Variants in HYDIN observed in about 807,000 individuals in gnomAD.
HYDIN encodes the protein HYDIN axonemal central pair apparatus protein, also known as axonemal central pair apparatus protein HYDIN.
In HYDIN, 132 loss-of-function variants were observed where a neutral mutation model predicts 403.9. The ratio of observed to expected loss-of-function variants is 0.33; its 90% CI spans 0.28 to 0.38. The LOEUF is 0.38. Among genes scored for constraint, HYDIN ranks in the 10% least tolerant of loss-of-function variants. HYDIN has a pLI of 1.00. For missense variants in HYDIN, 2,827 were observed against 5,009.5 expected, an observed-to-expected ratio of 0.56 and a Z score of 13.15; for synonymous variants, 1,202 against 1,891.7, an observed-to-expected ratio of 0.64 and a Z score of 9.46.
At chr16:71,127,027 C>T (rs372753471) in intron 9 of HYDIN, among the ~76,000 whole-genome samples, 93 of 152,028 alleles carry the variant, frequency 6.1e-4, no homozygotes, top group Non-Finnish European at 5.9e-4. Flanking sequence ...CTTTCACAAA[C>T]GAGAACTGTA....
intron 80 of HYDIN, 149 bp from the exon 81 acceptor site, chr16:70,829,979 C>A: frequency 1.5e-6 from 1 of 665,402 alleles, no homozygotes; most frequent in South Asian, 1.9e-5. Flanking sequence ...TTCTTTCATT[C>A]ACTCAACACA....
intron 1 of HYDIN, among the ~76,000 whole-genome samples, chr16:71,198,549 T>C (rs2144698521): frequency 6.6e-6 from 1 of 152,292 alleles, no homozygotes; most frequent in Non-Finnish European, 1.5e-5. Context: ...CTGGGCTCTG[T>C]TCTACTAGCC....
intron 1 of HYDIN, among the ~76,000 whole-genome samples, chr16:71,219,217 GAC>G (rs1157329239): frequency 6.6e-6 from 1 of 151,958 alleles, no homozygotes; most frequent in African/African-American, 2.4e-5. Context: ...AATAAAAACA[GAC>G]ACAGATACAG....
At position 71,042,630 on chromosome 16, in the gene HYDIN, G is replaced by A. The variant is rs570045818; in HGVS notation, c.2530-10713C>T. On this transcript the variant is annotated intron_variant, in intron 18 of 85. Coordinates refer to ENST00000393567, the MANE Select transcript of HYDIN (RefSeq NM_001270974.2). ...GACGACGTTTCCCTTCTTATACAAC[G>A]TTCAGGTTCCCAGGAATTGTTTTCA... is the stretch of plus-strand genomic sequence containing the variant. 2.6e-3 allele frequency among the ~76,000 whole-genome samples: 400 copies of A among 152,210 alleles called. 6 individuals are homozygous for A. In the South Asian group the frequency reaches 0.028, roughly 11 times the overall value.
intron 47 of HYDIN, among the ~76,000 whole-genome samples, chr16:70,913,047 G>T (rs1038930325): frequency 2.0e-5 from 3 of 151,788 alleles, no homozygotes; most frequent in Non-Finnish European, 4.4e-5. Flanking sequence ...CTTGCTAATG[G>T]TCTATCAATT....
At chr16:71,206,509 A>T (rs1243496119) in intron 1 of HYDIN, among the ~76,000 whole-genome samples, 1 of 152,206 alleles carries the variant, frequency 6.6e-6, no homozygotes, top group African/African-American at 2.4e-5. Flanking sequence ...AGCAACTCAA[A>T]AAGTCAGAGT....
chr16:70,878,670 C>T (rs1024659258), intron 62 of HYDIN, among the ~76,000 whole-genome samples: 20 of 145,418 alleles, frequency 1.4e-4, no homozygotes, highest in Non-Finnish European at 8.8e-5. Flanking sequence ...TGTTTTTTGG[C>T]TTCTGCACCT....
chr16:71,094,735 C>T (rs369262328), intron 10 of HYDIN, among the ~76,000 whole-genome samples: 220 of 152,180 alleles, frequency 1.4e-3, no homozygotes, highest in African/African-American at 4.6e-3. Flanking sequence ...ATGTCCAAGG[C>T]AGCAGAGGAA....
chr16:70,840,380 T>A lies in HYDIN; in HGVS notation c.12874-147A>T, dbSNP rs925328577. The A allele has an allele frequency of 2.8e-5, 16 of 575,198 alleles. No individual in the cohort carries two copies. The Admixed American group carries it at 4.0e-4, about 15-fold the overall frequency. The allele number at this position is 575,198 out of a possible 1,614,324, so 35.6% of individuals were successfully genotyped here. On this transcript the variant is annotated intron_variant, in intron 75 of 85. Coordinates refer to ENST00000393567, the MANE Select transcript of HYDIN (RefSeq NM_001270974.2). ...TTTCCAGAGATTCCAATTCAGTAGGTTAGAAGTTTGTGTATTGAAGAAAAG... is the reference window on the plus strand; with the variant it reads ...TTTCCAGAGATTCCAATTCAGTAGGATAGAAGTTTGTGTATTGAAGAAAAG...
chr16:71,071,972 C>T (rs2082481280), intron 13 of HYDIN, among the ~76,000 whole-genome samples: 2 of 151,952 alleles, frequency 1.3e-5, no homozygotes, highest in Admixed American at 6.6e-5. Context: ...AATCAGGTGG[C>T]ATTTTTGTCA....
chr16:70,883,866 A>G (rs2040962064), intron 59 of HYDIN, 54 bp downstream of exon 59: 1 of 1,561,750 alleles, frequency 6.4e-7, no homozygotes, highest in Non-Finnish European at 8.7e-7. Flanking sequence ...CCACTGCACC[A>G]GGTCTCAGAT....
In HYDIN at chr16:71,184,754, CA is replaced by C. The variant is rs2087064316; in HGVS notation, c.261+110del. On this transcript the variant is annotated intron_variant, in intron 3 of 85. Transcript: ENST00000393567. ...AGAGGCAGAAAAGGAGGATTGAAAACAAACCCAATAAAGGATTAGGTAGCCA... is the reference window on the plus strand; with the variant it reads ...AGAGGCAGAAAAGGAGGATTGAAAACAACCCAATAAAGGATTAGGTAGCCA... 4 of 904,394 alleles carry C rather than the reference CA, an allele frequency of 4.4e-6. No individual in the cohort carries two copies. In the East Asian group the frequency reaches 1.0e-4, roughly 24 times the overall value. 56.0% of individuals were successfully genotyped at this position (904,394 alleles called of 1,614,324 possible). A position where few individuals can be genotyped will look rare whatever the true frequency, so the allele number is the denominator to read the frequency against.
intron 1 of HYDIN, among the ~76,000 whole-genome samples, chr16:71,190,692 A>G (rs545778715): frequency 6.6e-6 from 1 of 152,320 alleles, no homozygotes; most frequent in East Asian, 1.9e-4. Context: ...ACAATGGCTC[A>G]ATCAGGCTGA....
Position 70,883,965 on chromosome 16 carries a change from G to T in HYDIN, c.9934C>A (p.Pro3312Thr). 1.2e-6 allele frequency: 2 copies of T among 1,614,078 alleles called. No homozygotes were observed. Among genetic ancestry groups the T allele is most frequent in the Non-Finnish European group, 1.7e-6 (2 of 1,180,046 alleles). Residue 3312 changes from proline (P) to threonine (T), a missense_variant, in exon 59 of 86, where the codon CCT (proline) becomes ACT (threonine). Physicochemically the swap from Pro to Thr is conservative, Grantham distance 38. Transcript: ENST00000393567. ...DISGRDPAVH[P>T]AGILYTLLAE... ...AGCAAAGTGTAAAGAATGCCGGCAG[G>T]GTGGACTGCAGGGTCTCGGCCGGAG...
intron 62 of HYDIN, among the ~76,000 whole-genome samples, chr16:70,878,014 T>C (rs1390892098): frequency 1.3e-5 from 2 of 152,160 alleles, no homozygotes; most frequent in East Asian, 3.9e-4. Context: ...GGGTCCAAGA[T>C]GGTGATATGG....
At position 71,069,346 on chromosome 16, in the gene HYDIN, A is replaced by G. The variant is rs2082381306; in HGVS notation, c.1895T>C (p.Ile632Thr). The change falls in exon 14 of 86, where the codon ATA becomes ACA. Residue 632 changes from isoleucine (I) to threonine (T), a missense_variant. By Grantham distance (89) the Ile-to-Thr change is moderately conservative. Coordinates refer to ENST00000393567, the MANE Select transcript of HYDIN (RefSeq NM_001270974.2). ...GAATTCTTTTGGTTTCATTGAGGAT[A>G]TTTCTTCCTTGGTCCAAGATGGTCT... ...YKRPSWTKEEISSMKPKEFTI... is the reference protein window; with the variant it reads ...YKRPSWTKEETSSMKPKEFTI... 2 of 1,613,974 alleles carry G rather than the reference A, an allele frequency of 1.2e-6. No homozygotes were observed. The highest frequency in any genetic ancestry group is 2.2e-5 in the South Asian group (2 of 91,068).
chr16:71,221,351 T>C (rs1184464712), intron 1 of HYDIN, among the ~76,000 whole-genome samples: 3 of 151,984 alleles, frequency 2.0e-5, no homozygotes, highest in Non-Finnish European at 4.4e-5. Context: ...TCCAAAAGCC[T>C]CAAAGTATGA....
At chr16:71,171,957 C>T (rs1242634818) in intron 5 of HYDIN, among the ~76,000 whole-genome samples, 2 of 152,178 alleles carry the variant, frequency 1.3e-5, no homozygotes, top group Admixed American at 6.5e-5. Flanking sequence ...CCAGATAGAA[C>T]TGGGGAGGGC....
intron 9 of HYDIN, among the ~76,000 whole-genome samples, chr16:71,116,584 T>A (rs2084044708): frequency 1.3e-5 from 2 of 152,074 alleles, no homozygotes; most frequent in African/African-American, 4.8e-5. Flanking sequence ...GTTCTATTTA[T>A]GATTTTTTGA....
Sources: gnomAD v4.1 joint callset for allele counts (sites outside exome capture counted in the v4.1 genomes callset) on GRCh38, gnomAD v4.1.1 for gene constraint, MANE v1.5 for transcripts, NCBI Gene and HGNC (gene_info 2026-07-23, HGNC 2026-07-21) for gene names.